USP20: variants seen among roughly 807,000 people sequenced by gnomAD.
The protein encoded by USP20 is ubiquitin carboxyl-terminal hydrolase 20.
Under a neutral mutation model 124.2 loss-of-function variants are expected in USP20, and 80 were observed. The observed-to-expected ratio is 0.64, with a 90% confidence interval of 0.54 to 0.78. USP20 has a LOEUF of 0.78. Ranked by LOEUF, USP20 falls within the 30% of genes least tolerant of loss-of-function variation. The probability of loss-of-function intolerance (pLI) is 0.00; values close to 1 mark genes in which losing one functional copy is unlikely to be tolerated. For synonymous variants in USP20, 481 were observed against 512.3 expected (o/e 0.94, Z 0.83); for missense variants, 1,043 against 1,244.4 (o/e 0.84, Z 2.44).
intron 1 of USP20, among the ~76,000 whole-genome samples, chr9:129,845,288 A>G (rs533094579): frequency 5.9e-5 from 9 of 152,210 alleles, no homozygotes; most frequent in South Asian, 2.1e-4. Context: ...TCTGTCCCCT[A>G]TGGTGCCCTC....
rs1293357059 is a variant in USP20, at chr9:129,880,485, G to A, written c.*35G>A. 1.4e-5 allele frequency: 9 copies of A among 642,812 alleles called. No homozygotes were observed. The highest frequency in any genetic ancestry group is 2.8e-5 in the East Asian group (1 of 35,336). The allele number at this position is 642,812 out of a possible 1,614,324, so 39.8% of individuals were successfully genotyped here. A position where few individuals can be genotyped will look rare whatever the true frequency, so the allele number is the denominator to read the frequency against. ...CCCACAGCCCCATGTGCCCCACCCC[G>A]CGGAAGGCGTGTTTGTGCCCAGAAG... On this transcript the variant is annotated 3_prime_UTR_variant, in exon 26 of 26. Coordinates refer to ENST00000372429, the MANE Select transcript of USP20 (RefSeq NM_001110303.4).
At chr9:129,865,272 A>T (rs749043686) in intron 9 of USP20, 31 bp from the exon 10 acceptor site, 6 of 1,612,068 alleles carry the variant, frequency 3.7e-6, no homozygotes, top group Non-Finnish European at 5.1e-6. Flanking sequence ...AAGGCAGGCT[A>T]CCTGGACTAA....
At position 129,881,012 on chromosome 9, in the gene USP20, A is replaced by T. The variant is rs2034616861; in HGVS notation, c.*562A>T. The T allele has an allele frequency of 6.6e-6, 1 of 151,788 alleles. No homozygotes were observed. Among genetic ancestry groups the T allele is most frequent in the Admixed American group, 6.6e-5 (1 of 15,234 alleles). The allele number at this position is 151,788 out of a possible 1,614,324, so 9.4% of individuals were successfully genotyped here. ...TCAGCACTTCTCCTGCAGACTGAAGACTCTGGACTCATTGCTGATTGGAAC... is the reference window on the plus strand; with the variant it reads ...TCAGCACTTCTCCTGCAGACTGAAGTCTCTGGACTCATTGCTGATTGGAAC... On this transcript the variant is annotated 3_prime_UTR_variant, in exon 26 of 26. Coordinates refer to ENST00000372429, the MANE Select transcript of USP20 (RefSeq NM_001110303.4).
intron 15 of USP20, among the ~76,000 whole-genome samples, chr9:129,873,017 C>T (rs1375470755): frequency 1.3e-5 from 2 of 151,752 alleles, no homozygotes; most frequent in Non-Finnish European, 2.9e-5. Flanking sequence ...GCTGTGGGGC[C>T]CAGCCAGGGC....
At position 129,861,587 on chromosome 9, in the gene USP20, G is replaced by A. The variant is rs777767168; in HGVS notation, c.472G>A (p.Ala158Thr). 6.2e-6 allele frequency: 10 copies of A among 1,613,936 alleles called. No individual in the cohort carries two copies. Among genetic ancestry groups the A allele is most frequent in the Admixed American group, 3.3e-5 (2 of 59,990 alleles). ...KNLGNSCYMN[A>T]ALQALSNCPP... ...CCTCGGGAACTCCTGCTACATGAAC[G>A]CTGCCCTGCAGGCCCTGTCCAATTG... Residue 158 changes from alanine to threonine, a missense_variant, in exon 8 of 26, where the codon GCT becomes ACT. Physicochemically the swap from Ala to Thr is moderately conservative, Grantham distance 58. Transcript: ENST00000372429.
In USP20 at chr9:129,879,950, A is replaced by G. The variant is rs1385153190; in HGVS notation, c.2585-163A>G. Among the ~76,000 whole-genome samples, 3 of 152,010 alleles carry G rather than the reference A, an allele frequency of 2.0e-5. No individual in the cohort carries two copies. The highest frequency in any genetic ancestry group is 4.8e-5 in the African/African-American group (2 of 41,402). On this transcript the variant is annotated intron_variant, in intron 24 of 25. Transcript: ENST00000372429. This position sits in a 1 kb window ranked among gnomAD's most constrained non-coding sequence, Gnocchi z 4.2. ...ATCCGGGGCCCTTAGCGGGATGGAC[A>G]TTCCTCTGGGAAATCCTGATTTCCA...
At chr9:129,876,896 C>T (rs1564224244) in intron 22 of USP20, among the ~76,000 whole-genome samples, 1 of 152,128 alleles carries the variant, frequency 6.6e-6, no homozygotes, top group Non-Finnish European at 1.5e-5. Context: ...TTGGCCTCTA[C>T]CCACTAGTGC....
chr9:129,873,187 G>A (rs776240793), intron 15 of USP20, among the ~76,000 whole-genome samples: 1 of 140,606 alleles, frequency 7.1e-6, no homozygotes, highest in African/African-American at 2.6e-5. Context: ...AGGTTCGAGC[G>A]ATTCTCCCAC....
Position 129,869,311 on chromosome 9 carries a change from C to T in USP20, c.1278C>T (p.Ala426=). 6.2e-7 allele frequency: 1 copy of T among 1,612,580 alleles called. No individual in the cohort carries two copies. Among genetic ancestry groups the T allele is most frequent in the Non-Finnish European group, 8.5e-7 (1 of 1,179,098 alleles). Residue 426 remains alanine (A), a splice_region_variant and synonymous_variant, in exon 13 of 26, where the codon GCC becomes GCT. Coordinates refer to ENST00000372429, the MANE Select transcript of USP20 (RefSeq NM_001110303.4). ...RMAPSYVLKK[A]QVLSAGSRRR... Reference sequence around the variant, plus strand: ...GCTAGTCCTGTGCTGTGTCCCCAGCCCAGGTATTGAGTGCTGGCAGCCGGA... The same window carrying T: ...GCTAGTCCTGTGCTGTGTCCCCAGCTCAGGTATTGAGTGCTGGCAGCCGGA...
chr9:129,852,462 T>C, intron 2 of USP20, 78 bp from the exon 3 acceptor site: 2 of 1,326,690 alleles, frequency 1.5e-6, no homozygotes, highest in East Asian at 2.5e-5. Flanking sequence ...GCCAAAGTCA[T>C]GTACTTAACC....
At chr9:129,873,860 G>T in intron 17 of USP20, 116 bp downstream of exon 17, 4 of 1,271,398 alleles carry the variant, frequency 3.1e-6, no homozygotes, top group Non-Finnish European at 4.4e-6. Context: ...TGCAGGGGCC[G>T]TGGAGACTCC....
intron 13 of USP20, 62 bp from the exon 14 acceptor site, chr9:129,869,610 T>C (rs775036208): frequency 1.9e-6 from 3 of 1,598,218 alleles, no homozygotes; most frequent in Non-Finnish European, 2.6e-6. Flanking sequence ...CACCTGCTGC[T>C]TGGGGTTTGG....
chr9:129,874,066 G>T (rs2034266777), intron 17 of USP20, among the ~76,000 whole-genome samples: 1 of 152,226 alleles, frequency 6.6e-6, no homozygotes, highest in South Asian at 2.1e-4. Flanking sequence ...GCTGCAGAGT[G>T]GCGGGAGGAG....
At chr9:129,857,536 G>T (rs1391403012) in intron 4 of USP20, among the ~76,000 whole-genome samples, 1 of 152,208 alleles carries the variant, frequency 6.6e-6, no homozygotes, top group Non-Finnish European at 1.5e-5. Context: ...GAGGGCAAAG[G>T]CAGTGTCATC....
chr9:129,867,515 A>C (rs10819571), intron 10 of USP20, among the ~76,000 whole-genome samples: 6 of 151,784 alleles, frequency 4.0e-5, no homozygotes, highest in African/African-American at 1.5e-4. Context: ...GCATGCAGGC[A>C]GTCTGGCCTG....
Position 129,858,516 on chromosome 9 carries a change from G to A in USP20, c.248G>A (p.Cys83Tyr). The change falls in exon 6 of 26, where the codon TGT becomes TAT. Residue 83 changes from cysteine (C) to tyrosine (Y), a missense_variant. By Grantham distance (194) the Cys-to-Tyr change is radical. Coordinates refer to ENST00000372429, the MANE Select transcript of USP20 (RefSeq NM_001110303.4). ...TVNLTTFRLW[C>Y]YACEKEVFLE... ...AACCTGACCACGTTCCGACTGTGGT[G>A]TTACGCCTGTGAGAAGGAGGTATTC... The A allele has an allele frequency of 1.2e-6, 2 of 1,614,208 alleles. No individual in the cohort carries two copies. The highest frequency in any genetic ancestry group is 1.7e-6 in the Non-Finnish European group (2 of 1,180,026).
rs948819465 is a variant in USP20 at position 129,858,700 on chromosome 9, A to G, written c.330+102A>G. 7 of 1,503,370 alleles carry G rather than the reference A, an allele frequency of 4.7e-6. No individual in the cohort carries two copies. In the African/African-American group the frequency reaches 9.8e-5, roughly 21 times the overall value. The allele number at this position is 1,503,370 out of a possible 1,614,324, so 93.1% of individuals were successfully genotyped here. On this transcript the variant is annotated intron_variant, in intron 6 of 25. Coordinates refer to ENST00000372429, the MANE Select transcript of USP20 (RefSeq NM_001110303.4). The stretch of plus-strand genomic sequence containing the variant: ...TGGAGCATGGGGCAGTAGGTCCCAG[A>G]GGTGTCTGTTTCTGGGTCAGTATGT...
chr9:129,874,531 G>A (rs757365383), intron 17 of USP20, 45 bp from the exon 18 acceptor site: 13 of 1,604,906 alleles, frequency 8.1e-6, no homozygotes, highest in Admixed American at 3.3e-5. Flanking sequence ...GCGAGGGCCC[G>A]CATCATTTCT....
intron 3 of USP20, 52 bp downstream of exon 3, chr9:129,852,688 T>C (rs982034167): frequency 6.6e-7 from 1 of 1,516,352 alleles, no homozygotes; most frequent in African/African-American, 1.4e-5. Flanking sequence ...GCTGCCTCTT[T>C]CCTGGGGTGT....
Sources: allele counts gnomAD v4.1 joint callset (sites outside exome capture counted in the v4.1 genomes callset), GRCh38; gene constraint gnomAD v4.1.1; non-coding constraint Gnocchi (gnomAD v3.1); transcripts MANE v1.5; gene names NCBI Gene and HGNC (gene_info 2026-07-23, HGNC 2026-07-21).